The following BNC2 variants were observed in gnomAD, a reference collection of about 807,000 sequenced individuals.
The protein encoded by BNC2 is basonuclin zinc finger protein 2.
A neutral mutation model predicts 76.3 loss-of-function variants in BNC2; 20 were observed. The ratio of observed to expected loss-of-function variants is 0.26; its 90% CI spans 0.18 to 0.38. BNC2 has a LOEUF of 0.38. BNC2 is among the 10% of genes least tolerant of loss of function. The probability of loss-of-function intolerance (pLI) is 1.00; values close to 1 mark genes in which losing one functional copy is unlikely to be tolerated. For synonymous variants in BNC2, 582 were observed against 514.8 expected (o/e 1.13, Z -1.77); for missense variants, 1,382 against 1,399.8 (o/e 0.99, Z 0.20).
At chr9:16,473,615 G>T (rs185706367) in intron 5 of BNC2, among the ~76,000 whole-genome samples, 18 of 152,222 alleles carry the variant, frequency 1.2e-4, no homozygotes, top group African/African-American at 3.6e-4. Flanking sequence ...TGGCTCATGC[G>T]TAATCCCAGC....
In BNC2 at chr9:16,759,723, C is replaced by CT. The variant is rs1219963233; in HGVS notation, c.4-21239dup. On this transcript the variant is annotated intron_variant, in intron 1 of 6. Transcript: ENST00000380672. ...ATACCTCAATTTTTGGAGACATAAA[C>CT]TATTTTTTTTTTTTTTTTGACACAG... Among the ~76,000 whole-genome samples the CT allele has an allele frequency of 8.8e-5, 9 of 102,464 alleles. No homozygotes were observed. In the Admixed American group the frequency reaches 9.8e-4, roughly 11 times the overall value. 67.2% of individuals were successfully genotyped at this position (102,464 alleles called of 152,430 possible).
At chr9:16,611,143 G>C (rs1410480764) in intron 3 of BNC2, among the ~76,000 whole-genome samples, 1 of 152,172 alleles carries the variant, frequency 6.6e-6, no homozygotes. Context: ...GCTTTAATAT[G>C]TACAATATGT....
At chr9:16,592,005 G>A (rs1273391127) in intron 3 of BNC2, among the ~76,000 whole-genome samples, 3 of 152,060 alleles carry the variant, frequency 2.0e-5, no homozygotes, top group African/African-American at 7.2e-5. Flanking sequence ...ATTCGCAAGA[G>A]CCTGGGTTTG....
At chr9:16,440,449 A>G (rs1444294350) in intron 5 of BNC2, among the ~76,000 whole-genome samples, 1 of 152,152 alleles carries the variant, frequency 6.6e-6, no homozygotes, top group Non-Finnish European at 1.5e-5. Flanking sequence ...AGAGCCTTTC[A>G]CTACGGATTA....
intron 2 of BNC2, among the ~76,000 whole-genome samples, chr9:16,737,364 C>A (rs1824706382): frequency 6.6e-6 from 1 of 150,710 alleles, no homozygotes; most frequent in East Asian, 2.0e-4. Context: ...CATTCTCCTG[C>A]CTCAGCCTCC....
intron 3 of BNC2, among the ~76,000 whole-genome samples, chr9:16,661,920 G>A (rs1048328800): frequency 1.3e-5 from 2 of 152,174 alleles, no homozygotes; most frequent in African/African-American, 4.8e-5. Context: ...CAACTCCTTA[G>A]CATCAAAGAC....
chr9:16,727,728 A>G lies in BNC2; in HGVS notation c.330+69T>C. On this transcript the variant is annotated intron_variant, in intron 3 of 6. Coordinates refer to ENST00000380672, the MANE Select transcript of BNC2 (RefSeq NM_017637.6). ...TTTAGAAAGAAAAACACCAGAAACA[A>G]AAGTGCCCATAACAATTCAAGGTTT... is the stretch of plus-strand genomic sequence containing the variant. 1.1e-5 allele frequency: 15 copies of G among 1,340,128 alleles called. No homozygotes were observed. In the South Asian group the frequency reaches 1.8e-4, roughly 16 times the overall value. The allele number at this position is 1,340,128 out of a possible 1,614,324, so 83.0% of individuals were successfully genotyped here.
chr9:16,515,227 T>C (rs905255689), intron 5 of BNC2, among the ~76,000 whole-genome samples: 1 of 152,326 alleles, frequency 6.6e-6, no homozygotes, highest in Admixed American at 6.5e-5. Context: ...GCCAATAGTC[T>C]GTGGCTGTCA....
chr9:16,591,908 A>AT (rs1489082904), intron 3 of BNC2, among the ~76,000 whole-genome samples: 1 of 152,158 alleles, frequency 6.6e-6, no homozygotes, highest in Admixed American at 6.5e-5. Context: ...GTAAAAAATG[A>AT]TTATTTTGTT....
chr9:16,794,827 T>C (rs1035666847), intron 1 of BNC2, among the ~76,000 whole-genome samples: 1 of 152,174 alleles, frequency 6.6e-6, no homozygotes, highest in Non-Finnish European at 1.5e-5. Context: ...AGCTGTCCTT[T>C]TTCATTTACA....
chr9:16,690,402 A>G (rs1465613775), intron 3 of BNC2, among the ~76,000 whole-genome samples: 2 of 152,176 alleles, frequency 1.3e-5, no homozygotes, highest in African/African-American at 4.8e-5. Flanking sequence ...AGTTAAAAGG[A>G]GCCGTGAGTG....
At chr9:16,742,452 G>T (rs1824878615) in intron 1 of BNC2, among the ~76,000 whole-genome samples, 1 of 152,166 alleles carries the variant, frequency 6.6e-6, no homozygotes, top group Non-Finnish European at 1.5e-5. Flanking sequence ...AATCCCTCTG[G>T]AGAGCAGGGA....
At chr9:16,713,257 ACATAGT>A (rs1823901238) in intron 3 of BNC2, among the ~76,000 whole-genome samples, 1 of 152,170 alleles carries the variant, frequency 6.6e-6, no homozygotes, top group South Asian at 2.1e-4. Context: ...AGGGATACTT[ACATAGT>A]CATAGACCTT....
At position 16,671,711 on chromosome 9, in the gene BNC2, C is replaced by T. The variant is rs78718002; in HGVS notation, c.330+56086G>A. 9.2e-5 allele frequency among the ~76,000 whole-genome samples: 14 copies of T among 152,290 alleles called. No individual in the cohort carries two copies. The East Asian group carries it at 2.3e-3, about 25-fold the overall frequency. On this transcript the variant is annotated intron_variant, in intron 3 of 6. Transcript: ENST00000380672. ...AAGTAAAGGAGAGCAGTTGGCCCACCGTTAGTCACCTCTTTAACCCAGAAG... is the reference window on the plus strand; with the variant it reads ...AAGTAAAGGAGAGCAGTTGGCCCACTGTTAGTCACCTCTTTAACCCAGAAG...
At chr9:16,669,958 T>C (rs998447315) in intron 3 of BNC2, among the ~76,000 whole-genome samples, 1 of 152,212 alleles carries the variant, frequency 6.6e-6, no homozygotes, top group Non-Finnish European at 1.5e-5. Context: ...ATGACTCCAA[T>C]AAAAATATGT....
chr9:16,507,770 G>T (rs1297766766), intron 5 of BNC2, among the ~76,000 whole-genome samples: 1 of 152,054 alleles, frequency 6.6e-6, no homozygotes, highest in Non-Finnish European at 1.5e-5. Context: ...TGCTCATATA[G>T]TAGGTCCATA....
intron 5 of BNC2, among the ~76,000 whole-genome samples, chr9:16,438,813 T>A (rs1821071590): frequency 1.3e-5 from 2 of 151,340 alleles, no homozygotes; most frequent in South Asian, 4.3e-4. Context: ...CCACCGTGAG[T>A]AGAAATCACG....
chr9:16,743,312 T>C (rs1464211154), intron 1 of BNC2, among the ~76,000 whole-genome samples: 1 of 152,104 alleles, frequency 6.6e-6, no homozygotes, highest in Non-Finnish European at 1.5e-5. Context: ...CTTTTTACTT[T>C]TTTTTTTCCC....
chr9:16,520,955 T>C (rs1176965250), intron 5 of BNC2, among the ~76,000 whole-genome samples: 1 of 152,168 alleles, frequency 6.6e-6, no homozygotes, highest in Non-Finnish European at 1.5e-5. Flanking sequence ...TCTCCAGACA[T>C]ACTAATATTA....
Sources: allele counts gnomAD v4.1 joint callset (sites outside exome capture counted in the v4.1 genomes callset), GRCh38; gene constraint gnomAD v4.1.1; transcripts MANE v1.5; gene names NCBI Gene and HGNC (gene_info 2026-07-23, HGNC 2026-07-21).